MATR3: variants seen among roughly 807,000 people sequenced by gnomAD.
MATR3 encodes matrin-3.
A neutral mutation model predicts 85.5 loss-of-function variants in MATR3; 4 were observed. That is an observed-to-expected ratio of 0.05 (90% CI 0.02 to 0.11). MATR3 has a LOEUF of 0.11. MATR3 is among the 10% of genes least tolerant of loss of function. The pLI, the probability that MATR3 is intolerant of heterozygous loss-of-function variation, is 1.00. For missense variants in MATR3, 685 were observed against 1,016.1 expected (o/e 0.67, Z 4.43); for synonymous variants, 336 against 343.1 (o/e 0.98, Z 0.23).
rs1755841902 is a variant in MATR3 at position 139,326,143 on chromosome 5, A to G, written c.2372-20A>G. The G allele has an allele frequency of 1.3e-6, 2 of 1,571,842 alleles. No individual in the cohort carries two copies. Among genetic ancestry groups the G allele is most frequent in the Admixed American group, 1.7e-5 (1 of 59,806 alleles). On this transcript the variant is annotated intron_variant, in intron 13 of 14. Coordinates refer to ENST00000394805, the MANE Select transcript of MATR3 (RefSeq NM_018834.6). The stretch of plus-strand genomic sequence containing the variant: ...AAAATCTTCAGTTTAATTTGTAAGA[A>G]TGTATGTTTGTATTTCTAGGTATAG...
At chr5:139,325,348 A>T in intron 12 of MATR3, 92 bp from the exon 13 acceptor site, 1 of 1,591,406 alleles carries the variant, frequency 6.3e-7, no homozygotes. Context: ...GAGGTTGGTG[A>T]TGAGGAAGAT....
Position 139,330,250 on chromosome 5 carries a change from C to T in MATR3, c.*855C>T. ...AACAGTTTGGCCATAATCCTAGATG[C>T]ACGCTTCTAATTCATGTACCTGCAC... On this transcript the variant is annotated 3_prime_UTR_variant, in exon 15 of 15. Transcript: ENST00000394805. 1 of 453,976 alleles carries T rather than the reference C, an allele frequency of 2.2e-6. No homozygotes were observed. The highest frequency in any genetic ancestry group is 1.6e-5 in the South Asian group (1 of 64,406). 28.1% of individuals were successfully genotyped at this position (453,976 alleles called of 1,614,324 possible).
rs1221994629 is a variant in MATR3, at chr5:139,331,305, C to T, written c.*1910C>T. 2.2e-6 allele frequency: 1 copy of T among 454,120 alleles called. No homozygotes were observed. 28.1% of individuals were successfully genotyped at this position (454,120 alleles called of 1,614,324 possible). A position where few individuals can be genotyped will look rare whatever the true frequency, so the allele number is the denominator to read the frequency against. ...ATTTAATTTTAGCCTTTACTAATTACCCACTTCTGTTTAATTCCAATTTTT... is the reference window on the plus strand; with the variant it reads ...ATTTAATTTTAGCCTTTACTAATTATCCACTTCTGTTTAATTCCAATTTTT... On this transcript the variant is annotated 3_prime_UTR_variant, in exon 15 of 15. Transcript: ENST00000394805.
intron 1 of MATR3, among the ~76,000 whole-genome samples, chr5:139,304,862 G>A (rs1359099750): frequency 2.6e-5 from 4 of 152,152 alleles, no homozygotes; most frequent in African/African-American, 9.7e-5. Flanking sequence ...ATAGGCAGTG[G>A]GGCCCATGTG....
At chr5:139,287,076 G>A (rs1413374595) in intron 3 of MATR3, among the ~76,000 whole-genome samples, 2 of 152,202 alleles carry the variant, frequency 1.3e-5, no homozygotes, top group Non-Finnish European at 2.9e-5. Flanking sequence ...CCTCAAAGGT[G>A]TGAATTCCAT....
chr5:139,331,664 T>G lies in MATR3; in HGVS notation c.*2269T>G, dbSNP rs1333076799. The stretch of plus-strand genomic sequence containing the variant: ...ATCCTACAAAAGTGAATGAAACTTC[T>G]AGAAGTACCTTGAGTTTGTTTTACA... On this transcript the variant is annotated 3_prime_UTR_variant, in exon 15 of 15. Transcript: ENST00000394805. The G allele has an allele frequency of 2.3e-6, 1 of 443,306 alleles. No individual in the cohort carries two copies. The highest frequency in any genetic ancestry group is 7.0e-5 in the East Asian group (1 of 14,312). 27.5% of individuals were successfully genotyped at this position (443,306 alleles called of 1,614,324 possible).
intron 3 of MATR3, among the ~76,000 whole-genome samples, chr5:139,284,120 A>C (rs1173977176): frequency 2.6e-5 from 4 of 152,200 alleles, no homozygotes; most frequent in Non-Finnish European, 1.5e-5. Flanking sequence ...TCTCTGTCAT[A>C]ATGTACCCAA....
chr5:139,291,679 C>T (rs923544471), upstream of MATR3, among the ~76,000 whole-genome samples: 2 of 152,112 alleles, frequency 1.3e-5, no homozygotes, highest in African/African-American at 2.4e-5. Flanking sequence ...GCTGGGATTA[C>T]TGGTATGCAC....
chr5:139,287,505 G>A (rs144280574), intron 3 of MATR3, among the ~76,000 whole-genome samples: 153 of 152,268 alleles, frequency 1.0e-3, no homozygotes, highest in African/African-American at 3.4e-3. Context: ...TGTAATCCCA[G>A]CTACTCAGAA....
intron 7 of MATR3, 42 bp downstream of exon 7, chr5:139,317,763 C>T (rs1322573498): frequency 2.0e-6 from 3 of 1,476,160 alleles, no homozygotes; most frequent in African/African-American, 2.8e-5. Flanking sequence ...ATTCATGCCA[C>T]TAATATATGT....
intron 4 of MATR3, 27 bp from the exon 5 acceptor site, chr5:139,316,049 T>A (rs550860436): frequency 6.6e-7 from 1 of 1,504,122 alleles, no homozygotes; most frequent in African/African-American, 1.4e-5. Context: ...TTATTATGAT[T>A]TATATTTTAT....
At chr5:139,293,695 C>G (rs1162563916), upstream of MATR3, 2 of 319,732 alleles carry the variant, frequency 6.3e-6, no homozygotes, top group South Asian at 1.5e-4. Flanking sequence ...TGGGCTGCAG[C>G]CGCTGCCGCC....
rs1561943555 is a variant in MATR3 at position 139,323,723 on chromosome 5, GTC to G, written c.2148+760_2148+761del. Among the ~76,000 whole-genome samples, 8 of 152,168 alleles carry G rather than the reference GTC, an allele frequency of 5.3e-5. No homozygotes were observed. In the South Asian group the frequency reaches 1.7e-3, roughly 32 times the overall value. On this transcript the variant is annotated intron_variant, in intron 12 of 14. Transcript: ENST00000394805. The stretch of plus-strand genomic sequence containing the variant: ...TTCAAGACCAACATGGTGAAACCCC[GTC>G]TCTACTAAAAATATGAAAATTAGCC...
chr5:139,292,855 A>C (rs1473086520), upstream of MATR3, among the ~76,000 whole-genome samples: 1 of 152,162 alleles, frequency 6.6e-6, no homozygotes, highest in Non-Finnish European at 1.5e-5. Context: ...AGGCAGGAGA[A>C]TGGCGTGAAC....
At chr5:139,317,224 A>G in intron 6 of MATR3, 119 bp downstream of exon 6, 1 of 1,022,978 alleles carries the variant, frequency 9.8e-7, no homozygotes, top group Non-Finnish European at 1.5e-6. Flanking sequence ...TGTAATTTGA[A>G]AACAATCACG....
At chr5:139,287,985 C>T (rs1049964288) in intron 3 of MATR3, among the ~76,000 whole-genome samples, 2 of 152,006 alleles carry the variant, frequency 1.3e-5, no homozygotes, top group Non-Finnish European at 2.9e-5. Flanking sequence ...CCAAGGCAGC[C>T]AGATCACATA....
chr5:139,285,683 A>G (rs1269265389), intron 3 of MATR3, among the ~76,000 whole-genome samples: 1 of 152,190 alleles, frequency 6.6e-6, no homozygotes, highest in African/African-American at 2.4e-5. Flanking sequence ...CAAAAAAAAG[A>G]ATTAAATGAG....
chr5:139,279,249 G>A, intron 3 of MATR3: 2 of 438,446 alleles, frequency 4.6e-6, no homozygotes, highest in Non-Finnish European at 9.2e-6. Flanking sequence ...TTTGGGGGGG[G>A]ACGGAGTCTT....
At position 139,307,354 on chromosome 5, in the gene MATR3, T is replaced by C; in HGVS notation, c.-62T>C. On this transcript the variant is annotated 5_prime_UTR_variant, in exon 2 of 15. Coordinates refer to ENST00000394805, the MANE Select transcript of MATR3 (RefSeq NM_018834.6). The surrounding 1 kb of genome is among the most constrained non-coding windows in gnomAD (Gnocchi z 4.4). ...TAGCTTTCTAGTTTGAGCTTTCTTT[T>C]TGGCCGTCTTTAAAAAAATTTTTTT... is the stretch of plus-strand genomic sequence containing the variant. The C allele has an allele frequency of 6.4e-7, 1 of 1,564,618 alleles. No individual in the cohort carries two copies. The highest frequency in any genetic ancestry group is 8.6e-7 in the Non-Finnish European group (1 of 1,163,870).
Sources: gnomAD v4.1 joint callset for allele counts (sites outside exome capture counted in the v4.1 genomes callset) on GRCh38, gnomAD v4.1.1 for gene constraint, Gnocchi (gnomAD v3.1) non-coding constraint, MANE v1.5 for transcripts, NCBI Gene and HGNC (gene_info 2026-07-23, HGNC 2026-07-21) for gene names.